Variants in DLGAP1 observed in about 807,000 individuals in gnomAD.
DLGAP1 encodes the protein disks large-associated protein 1.
DLGAP1 carries 11 observed loss-of-function variants against 90.8 expected under a neutral mutation model. The ratio of observed to expected loss-of-function variants is 0.12; its 90% CI spans 0.08 to 0.20. The LOEUF (loss-of-function observed/expected upper bound fraction) is 0.20. DLGAP1 is among the 10% of genes least tolerant of loss of function. The pLI is 1.00. For synonymous variants in DLGAP1, 558 were observed against 540.7 expected (o/e 1.03, Z -0.44); for missense variants, 1,050 against 1,333.8 (o/e 0.79, Z 3.31).
intron 5 of DLGAP1, among the ~76,000 whole-genome samples, chr18:3,773,141 T>C (rs1248293377): frequency 3.3e-5 from 5 of 152,160 alleles, no homozygotes; most frequent in Non-Finnish European, 5.9e-5. Context: ...AAGGGCACTA[T>C]TGATACACAA....
intron 11 of DLGAP1, among the ~76,000 whole-genome samples, chr18:3,506,146 G>A (rs1036012741): frequency 1.3e-5 from 2 of 152,152 alleles, no homozygotes; most frequent in African/African-American, 4.8e-5. Context: ...GCTGAGGCAG[G>A]AGAATAGCTT....
intron 7 of DLGAP1, among the ~76,000 whole-genome samples, chr18:3,714,280 A>G (rs1028735647): frequency 5.3e-5 from 8 of 152,226 alleles, no homozygotes; most frequent in African/African-American, 1.9e-4. Flanking sequence ...GCTGAAATCT[A>G]GAAGAGTCGT....
intron 2 of DLGAP1, among the ~76,000 whole-genome samples, chr18:4,063,364 G>A (rs1312742902): frequency 6.6e-6 from 1 of 152,104 alleles, no homozygotes; most frequent in Non-Finnish European, 1.5e-5. Context: ...CTAAGGCAAT[G>A]AAGCTAGCAG....
rs1397912790 is a variant in DLGAP1 at position 3,534,206 on chromosome 18, G to C, written c.2467C>G (p.Leu823Val). ...QMEREERENN[L>V]PEDILGKIRT... ...TGGCATTACTTACTGTCTTCGGGCAGGTTGTTTTCCCGTTCTTCCCGCTCC... is the reference window on the plus strand; with the variant it reads ...TGGCATTACTTACTGTCTTCGGGCACGTTGTTTTCCCGTTCTTCCCGCTCC... Residue 823 changes from leucine (L) to valine (V), a missense_variant, in exon 10 of 13, where the codon CTG becomes GTG. Leu to Val is a conservative substitution (Grantham distance 32, BLOSUM62 1). Coordinates refer to ENST00000315677, the MANE Select transcript of DLGAP1 (RefSeq NM_004746.4). 6.2e-7 allele frequency: 1 copy of C among 1,613,476 alleles called. No individual in the cohort carries two copies. The highest frequency in any genetic ancestry group is 8.5e-7 in the Non-Finnish European group (1 of 1,179,680).
intron 2 of DLGAP1, among the ~76,000 whole-genome samples, chr18:4,065,421 C>T (rs780390418): frequency 7.2e-5 from 11 of 152,094 alleles, no homozygotes; most frequent in Middle Eastern, 3.4e-3. Flanking sequence ...TTCTAGAAAA[C>T]CCCATAGTCT....
rs76751283 is a variant in DLGAP1 at position 3,543,166 on chromosome 18, A to ATTTTTTTTTTTTTTTT, written c.2058-8567_2058-8552dup. On this transcript the variant is annotated intron_variant, in intron 9 of 12. Transcript: ENST00000315677. The stretch of plus-strand genomic sequence containing the variant: ...ATACTCTTTTGTTCCCATGACTCCA[A>ATTTTTTTTTTTTTTTT]TTTTTTTTTTTTTTTTTTTTTTGAG... Among the ~76,000 whole-genome samples the ATTTTTTTTTTTTTTTT allele has an allele frequency of 6.4e-4, 41 of 64,142 alleles. 1 individual carries two copies. Among genetic ancestry groups the ATTTTTTTTTTTTTTTT allele is most frequent in the African/African-American group, 1.4e-3 (37 of 25,530 alleles). The allele number at this position is 64,142 out of a possible 152,430, so 42.1% of individuals were successfully genotyped here. A position where few individuals can be genotyped will look rare whatever the true frequency, so the allele number is the denominator to read the frequency against.
chr18:4,295,925 G>A (rs1028462734), intron 1 of DLGAP1, among the ~76,000 whole-genome samples: 3 of 152,168 alleles, frequency 2.0e-5, no homozygotes, highest in Non-Finnish European at 4.4e-5. Flanking sequence ...AAAGTAATGA[G>A]AGTCAACACA....
chr18:4,418,253 T>C (rs187655389), intron 1 of DLGAP1, among the ~76,000 whole-genome samples: 4 of 152,264 alleles, frequency 2.6e-5, no homozygotes, highest in South Asian at 2.1e-4. Flanking sequence ...TCAGTTTCCA[T>C]TGAACTACAG....
At chr18:4,257,648 G>A (rs2078916506) in intron 1 of DLGAP1, among the ~76,000 whole-genome samples, 2 of 146,676 alleles carry the variant, frequency 1.4e-5, no homozygotes, top group Middle Eastern at 3.3e-3. Flanking sequence ...TTTTTGAGAT[G>A]GAGTGTCGCT....
At chr18:4,207,674 C>T (rs1406898370) in intron 1 of DLGAP1, among the ~76,000 whole-genome samples, 3 of 152,154 alleles carry the variant, frequency 2.0e-5, no homozygotes, top group African/African-American at 4.8e-5. Context: ...AGGCCAAACA[C>T]AGATCTGCCT....
intron 9 of DLGAP1, among the ~76,000 whole-genome samples, chr18:3,556,037 T>C (rs184494419): frequency 6.6e-6 from 1 of 152,292 alleles, no homozygotes. Flanking sequence ...CAGGTATTGC[T>C]CTAAAAGTTT....
chr18:3,998,661 A>G (rs4407150), intron 3 of DLGAP1, among the ~76,000 whole-genome samples: 80,799 of 151,988 alleles, frequency 0.53, 21,793 homozygotes, highest in Admixed American at 0.58. Flanking sequence ...TTTCCTATTC[A>G]AATTCAAGTA....
intron 5 of DLGAP1, among the ~76,000 whole-genome samples, chr18:3,807,679 C>T (rs1266006497): frequency 3.9e-5 from 6 of 152,108 alleles, no homozygotes; most frequent in Non-Finnish European, 7.4e-5. Context: ...TTTGCTGCAC[C>T]TATCAACCCA....
At chr18:3,857,367 G>C (rs896311107) in intron 4 of DLGAP1, among the ~76,000 whole-genome samples, 7 of 152,098 alleles carry the variant, frequency 4.6e-5, no homozygotes, top group African/African-American at 1.7e-4. Context: ...GAATATTCTA[G>C]CCATGGTGTA....
intron 4 of DLGAP1, among the ~76,000 whole-genome samples, chr18:3,851,979 G>GA (rs2069368542): frequency 6.6e-6 from 1 of 151,960 alleles, no homozygotes; most frequent in Admixed American, 6.6e-5. Context: ...GATAAAAAGT[G>GA]AAAATGCAAG....
chr18:3,999,070 T>G (rs2074127851), intron 3 of DLGAP1, among the ~76,000 whole-genome samples: 1 of 152,112 alleles, frequency 6.6e-6, no homozygotes, highest in Non-Finnish European at 1.5e-5. Flanking sequence ...ACAAGTCTAG[T>G]TTTTCTCCCT....
chr18:3,807,303 T>C (rs959084738), intron 5 of DLGAP1, among the ~76,000 whole-genome samples: 4 of 152,220 alleles, frequency 2.6e-5, no homozygotes, highest in African/African-American at 9.6e-5. Context: ...TTATTAAACA[T>C]CTTTTAAATA....
chr18:3,689,224 CT>C (rs1484705835), intron 7 of DLGAP1, among the ~76,000 whole-genome samples: 5 of 152,210 alleles, frequency 3.3e-5, no homozygotes, highest in African/African-American at 1.2e-4. Flanking sequence ...ACTTATCTCT[CT>C]GCTCATGTTA....
intron 5 of DLGAP1, among the ~76,000 whole-genome samples, chr18:3,784,486 A>G (rs3786441): frequency 0.15 from 22,952 of 152,056 alleles, 2,118 homozygotes; most frequent in East Asian, 0.43. Context: ...AGAATCCTGG[A>G]GAATCTATTT....
Sources: allele counts gnomAD v4.1 joint callset (sites outside exome capture counted in the v4.1 genomes callset), GRCh38; gene constraint gnomAD v4.1.1; transcripts MANE v1.5; gene names NCBI Gene and HGNC (gene_info 2026-07-23, HGNC 2026-07-21).